The following USP15 variants were observed in gnomAD, a reference collection of about 807,000 sequenced individuals.
The protein encoded by USP15 is ubiquitin specific peptidase 15, also known as ubiquitin carboxyl-terminal hydrolase 15.
In USP15, 18 loss-of-function variants were observed where a neutral mutation model predicts 127.1. The ratio of observed to expected loss-of-function variants is 0.14; its 90% CI spans 0.10 to 0.21. The LOEUF (loss-of-function observed/expected upper bound fraction) is 0.21, where lower values mean the gene tolerates loss of function less well. Ranked by LOEUF, USP15 falls within the 10% of genes least tolerant of loss-of-function variation. The probability of loss-of-function intolerance (pLI) is 1.00; values close to 1 mark genes in which losing one functional copy is unlikely to be tolerated. For synonymous variants in USP15, 364 were observed against 393.7 expected, an observed-to-expected ratio of 0.92 and a Z score of 0.89; for missense variants, 805 against 1,159.9, an observed-to-expected ratio of 0.69 and a Z score of 4.44.
chr12:62,317,459 C>T (rs1194201118), intron 4 of USP15, among the ~76,000 whole-genome samples: 1 of 152,128 alleles, frequency 6.6e-6, no homozygotes, highest in African/African-American at 2.4e-5. Context: ...TCTCATCTCT[C>T]AATTGCTGCC....
chr12:62,366,885 T>G (rs1401786723), intron 8 of USP15, among the ~76,000 whole-genome samples: 1 of 152,222 alleles, frequency 6.6e-6, no homozygotes, highest in Non-Finnish European at 1.5e-5. Flanking sequence ...CAGCCTTGCA[T>G]CCCAGGGATG....
chr12:62,321,842 C>T (rs1399602159), intron 5 of USP15, among the ~76,000 whole-genome samples: 2 of 152,064 alleles, frequency 1.3e-5, no homozygotes, highest in South Asian at 2.1e-4. Context: ...AAAATCCCAG[C>T]TAATATTATA....
In USP15 at chr12:62,412,438, T is replaced by G. The variant is rs2068060850; in HGVS notation, c.*8063T>G. On this transcript the variant is annotated 3_prime_UTR_variant, in exon 22 of 22. Coordinates refer to ENST00000280377, the MANE Select transcript of USP15 (RefSeq NM_001252078.2). ...GATTTCTCTGGCATGCAGTGCTATTTGATAATATTTGATACCCACAGTAGA... is the reference window on the plus strand; with the variant it reads ...GATTTCTCTGGCATGCAGTGCTATTGGATAATATTTGATACCCACAGTAGA... 1 of 152,378 alleles carries G rather than the reference T, an allele frequency of 6.6e-6. No individual in the cohort carries two copies. Among genetic ancestry groups the G allele is most frequent in the Non-Finnish European group, 1.5e-5 (1 of 68,166 alleles). The allele number at this position is 152,378 out of a possible 1,614,324, so 9.4% of individuals were successfully genotyped here.
At chr12:62,322,889 T>TCC (rs2065024597) in intron 5 of USP15, among the ~76,000 whole-genome samples, 1 of 152,204 alleles carries the variant, frequency 6.6e-6, no homozygotes, top group Non-Finnish European at 1.5e-5. Flanking sequence ...ACTATGCTAT[T>TCC]CCATATTCTT....
intron 11 of USP15, among the ~76,000 whole-genome samples, chr12:62,385,128 G>A (rs1255130907): frequency 6.6e-6 from 1 of 151,858 alleles, no homozygotes; most frequent in Non-Finnish European, 1.5e-5. Flanking sequence ...CAGAGACCTT[G>A]TAAACCTTTG....
chr12:62,401,325 G>A, intron 21 of USP15, 50 bp downstream of exon 21: 2 of 1,422,844 alleles, frequency 1.4e-6, no homozygotes, highest in Non-Finnish European at 2.0e-6. Flanking sequence ...CTGTCTTAAG[G>A]AGTGAATATA....
chr12:62,288,969 A>G (rs954208310), intron 1 of USP15, among the ~76,000 whole-genome samples: 1 of 151,998 alleles, frequency 6.6e-6, no homozygotes, highest in African/African-American at 2.4e-5. Flanking sequence ...ATCTTTTCGA[A>G]TGCTGTTGTA....
Position 62,408,884 on chromosome 12 carries a change from A to G in USP15, c.*4509A>G, listed in dbSNP as rs948704159. ...TTTACGTGTTTAATTCGTATTTACT[A>G]TATATTAAAAGAATTTCCAAATAGC... On this transcript the variant is annotated 3_prime_UTR_variant, in exon 22 of 22. Transcript: ENST00000280377. 1.3e-5 allele frequency: 2 copies of G among 152,100 alleles called. No homozygotes were observed. The highest frequency in any genetic ancestry group is 2.9e-5 in the Non-Finnish European group (2 of 68,008). The allele number at this position is 152,100 out of a possible 1,614,324, so 9.4% of individuals were successfully genotyped here. A position where few individuals can be genotyped will look rare whatever the true frequency, so the allele number is the denominator to read the frequency against.
chr12:62,315,835 C>A (rs376007106), intron 4 of USP15, among the ~76,000 whole-genome samples: 10 of 152,180 alleles, frequency 6.6e-5, no homozygotes, highest in African/African-American at 2.2e-4. Context: ...ATCCTTTTAA[C>A]CCGTATTTTT....
intron 3 of USP15, 108 bp from the exon 4 acceptor site, chr12:62,314,682 T>C: frequency 2.8e-6 from 3 of 1,081,608 alleles, no homozygotes; most frequent in Non-Finnish European, 3.7e-6. Context: ...TAGTGACTGG[T>C]TTTTCACTGG....
chr12:62,295,137 C>T (rs113341913), intron 2 of USP15, among the ~76,000 whole-genome samples: 1 of 151,014 alleles, frequency 6.6e-6, no homozygotes, highest in African/African-American at 2.5e-5. Flanking sequence ...AGACCTAGAC[C>T]CCCCCCCATA....
At chr12:62,331,569 CAT>C (rs1274900300) in intron 6 of USP15, among the ~76,000 whole-genome samples, 12 of 152,140 alleles carry the variant, frequency 7.9e-5, no homozygotes, top group Non-Finnish European at 1.2e-4. Context: ...CGTGAAACCA[CAT>C]GTTAGTATTT....
chr12:62,358,544 A>G (rs952092528), intron 8 of USP15, among the ~76,000 whole-genome samples: 15 of 152,182 alleles, frequency 9.9e-5, no homozygotes, highest in African/African-American at 3.4e-4. Flanking sequence ...ATGAAAGCTC[A>G]TCTCTACTAA....
chr12:62,366,351 T>C (rs1248879198), intron 8 of USP15, among the ~76,000 whole-genome samples: 1 of 152,196 alleles, frequency 6.6e-6, no homozygotes, highest in Non-Finnish European at 1.5e-5. Context: ...GCTCTCTGTT[T>C]ATCTGTTATT....
intron 1 of USP15, among the ~76,000 whole-genome samples, chr12:62,289,882 A>G (rs999636292): frequency 6.6e-6 from 1 of 152,082 alleles, no homozygotes; most frequent in Non-Finnish European, 1.5e-5. Flanking sequence ...ATCGTTCAGG[A>G]ACATGTTGCT....
chr12:62,284,815 A>G (rs1450070794), intron 1 of USP15, among the ~76,000 whole-genome samples: 2 of 152,030 alleles, frequency 1.3e-5, no homozygotes, highest in African/African-American at 2.4e-5. Context: ...AATTTTTACA[A>G]TGTTTTAGGT....
rs1164749181 is a variant in USP15, at chr12:62,260,409, A to G, written c.-6A>G. ...CTGCCACCTCCCCTACCGCTAGTGG[A>G]AGAAGATGGCGGAAGGCGGAGCGGC... is the stretch of plus-strand genomic sequence containing the variant. On this transcript the variant is annotated 5_prime_UTR_variant, in exon 1 of 22. Transcript: ENST00000280377. The G allele has an allele frequency of 5.8e-6, 9 of 1,550,620 alleles. No homozygotes were observed. Among genetic ancestry groups the G allele is most frequent in the South Asian group, 2.4e-5 (2 of 83,998 alleles).
rs2067953128 is a variant in USP15, at chr12:62,408,618, C to G, written c.*4243C>G. ...AACATGAGGAATTTGGAAACAACCTCTCTTGAAAATATATTGGTATTCATT... is the reference window on the plus strand; with the variant it reads ...AACATGAGGAATTTGGAAACAACCTGTCTTGAAAATATATTGGTATTCATT... On this transcript the variant is annotated 3_prime_UTR_variant, in exon 22 of 22. Transcript: ENST00000280377. The G allele has an allele frequency of 6.6e-6, 1 of 152,094 alleles. No homozygotes were observed. Among genetic ancestry groups the G allele is most frequent in the Non-Finnish European group, 1.5e-5 (1 of 68,006 alleles). 9.4% of individuals were successfully genotyped at this position (152,094 alleles called of 1,614,324 possible). A position where few individuals can be genotyped will look rare whatever the true frequency, so the allele number is the denominator to read the frequency against.
At chr12:62,385,946 T>C (rs1454896993) in intron 11 of USP15, among the ~76,000 whole-genome samples, 1 of 152,224 alleles carries the variant, frequency 6.6e-6, no homozygotes, top group African/African-American at 2.4e-5. Context: ...ATGCCAATAA[T>C]ATAAGGTAAT....
Sources: allele counts gnomAD v4.1 joint callset (sites outside exome capture counted in the v4.1 genomes callset), GRCh38; gene constraint gnomAD v4.1.1; transcripts MANE v1.5; gene names NCBI Gene and HGNC (gene_info 2026-07-23, HGNC 2026-07-21).